The following MAGI3 variants were observed in gnomAD, a reference collection of about 807,000 sequenced individuals.
The protein encoded by MAGI3 is membrane associated guanylate kinase, WW and PDZ domain containing 3, also known as membrane-associated guanylate kinase, WW and PDZ domain-containing protein 3.
In MAGI3, 43 loss-of-function variants were observed where a neutral mutation model predicts 121.8. That is an observed-to-expected ratio of 0.35 (90% CI 0.28 to 0.46). The LOEUF is 0.46. Among genes scored for constraint, MAGI3 ranks in the 20% least tolerant of loss-of-function variants. The pLI is 1.00. For missense variants in MAGI3, 1,547 were observed against 1,797.3 expected (o/e 0.86, Z 2.52); for synonymous variants, 553 against 639.3 (o/e 0.86, Z 2.04).
intron 1 of MAGI3, among the ~76,000 whole-genome samples, chr1:113,408,143 C>T (rs1431508701): frequency 2.0e-5 from 3 of 152,096 alleles, no homozygotes; most frequent in African/African-American, 2.4e-5. Context: ...ATTCAAGTTC[C>T]GTACTTCAAA....
chr1:113,565,290 C>T (rs907666765), intron 2 of MAGI3, among the ~76,000 whole-genome samples: 6 of 152,214 alleles, frequency 3.9e-5, no homozygotes, highest in Non-Finnish European at 7.3e-5. Flanking sequence ...TATCCAAAAA[C>T]ATCCTCATAT....
chr1:113,416,915 T>G (rs544064336), intron 1 of MAGI3, among the ~76,000 whole-genome samples: 1 of 152,138 alleles, frequency 6.6e-6, no homozygotes, highest in South Asian at 2.1e-4. Context: ...TAAAGTACTA[T>G]AAATAGTAAG....
chr1:113,524,712 T>C (rs575263624), intron 1 of MAGI3, among the ~76,000 whole-genome samples: 1 of 152,282 alleles, frequency 6.6e-6, no homozygotes, highest in African/African-American at 2.4e-5. Context: ...CTTGTCTCAG[T>C]TGAGACATTT....
intron 1 of MAGI3, among the ~76,000 whole-genome samples, chr1:113,440,887 A>G (rs1485685268): frequency 2.0e-5 from 3 of 152,208 alleles, no homozygotes; most frequent in Non-Finnish European, 4.4e-5. Flanking sequence ...CTTATATTTA[A>G]GTGCTAACAT....
intron 1 of MAGI3, among the ~76,000 whole-genome samples, chr1:113,505,645 AG>A (rs750776251): frequency 6.6e-5 from 10 of 152,174 alleles, no homozygotes; most frequent in Non-Finnish European, 1.0e-4. Flanking sequence ...AAAGGAGAGG[AG>A]GTTTAACTAT....
intron 2 of MAGI3, among the ~76,000 whole-genome samples, chr1:113,579,628 G>T (rs1002611159): frequency 6.6e-6 from 1 of 152,104 alleles, no homozygotes; most frequent in Non-Finnish European, 1.5e-5. Flanking sequence ...GTGTAGCTGG[G>T]AAGAAGTAAA....
chr1:113,464,301 C>A (rs775489619), intron 1 of MAGI3, among the ~76,000 whole-genome samples: 1 of 152,094 alleles, frequency 6.6e-6, no homozygotes, highest in Non-Finnish European at 1.5e-5. Flanking sequence ...CCTCCCGTTT[C>A]ATCCACATTG....
rs61819426 is a variant in MAGI3 at position 113,595,280 on chromosome 1, G to A, written c.1018+720G>A. Reference sequence around the variant, plus strand: ...GTCATGCTACTGCACTCCAGCCTGGGCAACAGAGAGAGACCCTGTCTCTAA... The same window carrying A: ...GTCATGCTACTGCACTCCAGCCTGGACAACAGAGAGAGACCCTGTCTCTAA... On this transcript the variant is annotated intron_variant, in intron 6 of 20. Transcript: ENST00000307546. Among the ~76,000 whole-genome samples the A allele has an allele frequency of 6.8e-3, 1,032 of 152,164 alleles. 6 individuals carry two copies. Among genetic ancestry groups the A allele is most frequent in the Non-Finnish European group, 0.011 (757 of 68,008 alleles).
chr1:113,587,591 A>G (rs1355317841), intron 4 of MAGI3, among the ~76,000 whole-genome samples: 1 of 152,216 alleles, frequency 6.6e-6, no homozygotes, highest in Non-Finnish European at 1.5e-5. Context: ...TGTGCACACC[A>G]GTATGTTTAT....
rs76441674 is a variant in MAGI3 at position 113,541,118 on chromosome 1, G to A, written c.317-8397G>A. Reference sequence around the variant, plus strand: ...GAATGTAAGAAATAAGAAGGAAGGGGAGAGAGAAAAGAAAACCTTTCTGGG... The same window carrying A: ...GAATGTAAGAAATAAGAAGGAAGGGAAGAGAGAAAAGAAAACCTTTCTGGG... On this transcript the variant is annotated intron_variant, in intron 1 of 20. Transcript: ENST00000307546. Among the ~76,000 whole-genome samples the A allele has an allele frequency of 5.8e-3, 877 of 152,252 alleles. 8 individuals are homozygous for A. Among genetic ancestry groups the A allele is most frequent in the African/African-American group, 0.02 (838 of 41,550 alleles).
intron 1 of MAGI3, among the ~76,000 whole-genome samples, chr1:113,487,485 G>T (rs553379306): frequency 6.6e-6 from 1 of 152,006 alleles, no homozygotes; most frequent in African/African-American, 2.4e-5. Flanking sequence ...TTGAGCAGTA[G>T]GATAAAAATA....
intron 1 of MAGI3, among the ~76,000 whole-genome samples, chr1:113,416,367 A>G (rs1570643602): frequency 8.1e-6 from 1 of 123,426 alleles, no homozygotes; most frequent in East Asian, 2.2e-4. Flanking sequence ...AATTTATATT[A>G]TATTAATATA....
intron 1 of MAGI3, among the ~76,000 whole-genome samples, chr1:113,516,723 C>A (rs1657927936): frequency 2.0e-5 from 3 of 152,002 alleles, no homozygotes; most frequent in Admixed American, 6.6e-5. Context: ...CCCATAGTGA[C>A]TTCCTTCCAA....
At chr1:113,410,580 G>C (rs544027731) in intron 1 of MAGI3, among the ~76,000 whole-genome samples, 1 of 150,632 alleles carries the variant, frequency 6.6e-6, no homozygotes, top group South Asian at 2.1e-4. Context: ...AATTGTCTCA[G>C]TCTTTGGGGC....
At chr1:113,590,762 A>AT (rs574738824) in intron 5 of MAGI3, 104 bp downstream of exon 5, 31 of 1,045,530 alleles carry the variant, frequency 3.0e-5, no homozygotes, top group African/African-American at 5.0e-5. Context: ...CAGAAGACTC[A>AT]TTTTTTTTCT....
intron 1 of MAGI3, among the ~76,000 whole-genome samples, chr1:113,495,475 C>G (rs1240712619): frequency 6.6e-6 from 1 of 151,748 alleles, no homozygotes; most frequent in Non-Finnish European, 1.5e-5. Context: ...GCAGTGTACA[C>G]TGTACTCAGT....
intron 1 of MAGI3, among the ~76,000 whole-genome samples, chr1:113,480,445 C>T (rs74465571): frequency 0.15 from 23,516 of 152,030 alleles, 2,815 homozygotes; most frequent in East Asian, 0.63. Context: ...TGAGAGCTGA[C>T]GTGGCAGTGG....
At chr1:113,677,519 G>C (rs914686824) in intron 19 of MAGI3, among the ~76,000 whole-genome samples, 12 of 152,172 alleles carry the variant, frequency 7.9e-5, no homozygotes, top group African/African-American at 2.9e-4. Flanking sequence ...CTTGAGTCCA[G>C]TTTGGATTGG....
At chr1:113,637,724 C>T (rs1005512446) in intron 9 of MAGI3, among the ~76,000 whole-genome samples, 2 of 151,938 alleles carry the variant, frequency 1.3e-5, no homozygotes, top group African/African-American at 2.4e-5. Context: ...TTGCTCTTCT[C>T]GAGGAGTATC....
Sources: gnomAD v4.1 joint callset for allele counts (sites outside exome capture counted in the v4.1 genomes callset) on GRCh38, gnomAD v4.1.1 for gene constraint, MANE v1.5 for transcripts, NCBI Gene and HGNC (gene_info 2026-07-23, HGNC 2026-07-21) for gene names.